The following LIPA variants were observed in gnomAD, a reference collection of about 807,000 sequenced individuals.
LIPA encodes lipase A, lysosomal acid type.
A neutral mutation model predicts 40.6 loss-of-function variants in LIPA; 26 were observed. That is an observed-to-expected ratio of 0.64 (90% CI 0.47 to 0.89). LIPA has a LOEUF of 0.89. LIPA is among the 40% of genes least tolerant of loss of function. The probability of loss-of-function intolerance (pLI) is 0.00; values close to 1 mark genes in which losing one functional copy is unlikely to be tolerated. For synonymous variants in LIPA, 188 were observed against 168.4 expected (o/e 1.12, Z -0.90); for missense variants, 455 against 479.6 (o/e 0.95, Z 0.48).
chr10:89,228,153 A>G, intron 4 of LIPA, 47 bp downstream of exon 4: 1 of 1,522,098 alleles, frequency 6.6e-7, no homozygotes, highest in Non-Finnish European at 9.1e-7. Context: ...TGTCTGCTTT[A>G]AGAGTACTAA....
At chr10:89,270,033 A>G (rs1375668600) in intron 1 of LIPA, among the ~76,000 whole-genome samples, 1 of 152,234 alleles carries the variant, frequency 6.6e-6, no homozygotes, top group African/African-American at 2.4e-5. Context: ...CAAAGTGCAG[A>G]TGGACCTTGG....
chr10:89,267,309 G>A (rs971364791), intron 1 of LIPA, among the ~76,000 whole-genome samples: 10 of 152,134 alleles, frequency 6.6e-5, no homozygotes, highest in African/African-American at 1.9e-4. Flanking sequence ...CCACCCTTAG[G>A]CTCAGAGAGA....
chr10:89,342,822 C>T (rs1332334), upstream of LIPA: 8,430 of 152,316 alleles, frequency 0.055, 647 homozygotes, highest in African/African-American at 0.17. Context: ...TTGGCTGTGT[C>T]CCGGAGCAGT....
chr10:89,384,945 A>G (rs1374827630), intron 2 of LIPA: 5 of 536,336 alleles, frequency 9.3e-6, no homozygotes, highest in Non-Finnish European at 9.9e-6. Flanking sequence ...GGCACCAGAC[A>G]TAAGACCCCC....
chr10:89,289,009 C>T (rs1843355992), intron 1 of LIPA, among the ~76,000 whole-genome samples: 1 of 152,246 alleles, frequency 6.6e-6, no homozygotes, highest in Non-Finnish European at 1.5e-5. Context: ...CATCAAAAGG[C>T]ATCAGATCCC....
chr10:89,245,383 C>G (rs1251997529), intron 3 of LIPA, among the ~76,000 whole-genome samples: 1 of 151,972 alleles, frequency 6.6e-6, no homozygotes, highest in African/African-American at 2.4e-5. Flanking sequence ...ATAGCAAAAG[C>G]CATCTATTTA....
chr10:89,272,561 G>A (rs986998189), intron 1 of LIPA, among the ~76,000 whole-genome samples: 4 of 152,084 alleles, frequency 2.6e-5, no homozygotes, highest in African/African-American at 4.8e-5. Context: ...GAACATATAC[G>A]TGCATGTGTC....
chr10:89,302,545 C>A (rs141540954), intron 1 of LIPA, among the ~76,000 whole-genome samples: 2,548 of 152,262 alleles, frequency 0.017, 60 homozygotes, highest in African/African-American at 0.058. Context: ...CAAAAGGGTT[C>A]TTTTCAGCAG....
intron 1 of LIPA, chr10:89,339,454 G>T (rs1843812938): frequency 6.2e-7 from 1 of 1,614,030 alleles, no homozygotes; most frequent in Admixed American, 1.7e-5. Context: ...GTTTCAACGG[G>T]TGTTGGAATC....
At chr10:89,307,363 G>A in intron 1 of LIPA, 2 of 1,599,030 alleles carry the variant, frequency 1.3e-6, no homozygotes, top group African/African-American at 2.7e-5. Context: ...CATCAAGCTG[G>A]AATGGGGAAT....
chr10:89,398,939 CTGAGGAA>C (rs1439093858), intron 2 of LIPA, among the ~76,000 whole-genome samples: 1 of 152,158 alleles, frequency 6.6e-6, no homozygotes, highest in African/African-American at 2.4e-5. Flanking sequence ...GTTAATTTTT[CTGAGGAA>C]TTACCATACC....
chr10:89,403,404 A>G, intron 2 of LIPA: 2 of 1,613,966 alleles, frequency 1.2e-6, no homozygotes, highest in Non-Finnish European at 1.7e-6. Context: ...AGAAGAAACA[A>G]TGCAAGACAT....
chr10:89,242,698 T>C (rs564104025), intron 3 of LIPA, among the ~76,000 whole-genome samples: 116 of 152,366 alleles, frequency 7.6e-4, no homozygotes, highest in Non-Finnish European at 1.4e-3. Context: ...TTTTAATACA[T>C]TTTGTAATTA....
At chr10:89,255,505 A>T (rs1169675936), upstream of LIPA, among the ~76,000 whole-genome samples, 1 of 152,236 alleles carries the variant, frequency 6.6e-6, no homozygotes, top group African/African-American at 2.4e-5. Flanking sequence ...GTGGGGACAC[A>T]GCCAAACCAT....
intron 2 of LIPA, chr10:89,392,649 C>T (rs1201181360): frequency 2.5e-6 from 4 of 1,584,872 alleles, no homozygotes; most frequent in Non-Finnish European, 3.5e-6. Context: ...GACAGAATAG[C>T]CAGATCTCAG....
At chr10:89,394,832 G>T (rs1386299591) in intron 2 of LIPA, among the ~76,000 whole-genome samples, 2 of 151,770 alleles carry the variant, frequency 1.3e-5, no homozygotes, top group African/African-American at 4.8e-5. Flanking sequence ...CCATTAAGCA[G>T]TCACTCCCTA....
intron 2 of LIPA, among the ~76,000 whole-genome samples, chr10:89,361,445 G>A (rs1268663392): frequency 6.6e-6 from 1 of 152,210 alleles, no homozygotes; most frequent in Non-Finnish European, 1.5e-5. Context: ...AATGGACCAA[G>A]TTGGAAACCT....
chr10:89,414,391 T>C (rs7083630), intron 1 of LIPA: 6,545 of 191,012 alleles, frequency 0.034, 165 homozygotes, highest in South Asian at 0.12. Flanking sequence ...ACGGGCAGCA[T>C]GCGAACTCAG....
chr10:89,226,462 A>G (rs970109173), intron 5 of LIPA, among the ~76,000 whole-genome samples: 10 of 152,262 alleles, frequency 6.6e-5, no homozygotes, highest in African/African-American at 2.4e-4. Context: ...TACAGTGAAC[A>G]TGCATTACTT....
Sources: allele counts gnomAD v4.1 joint callset (sites outside exome capture counted in the v4.1 genomes callset), GRCh38; gene constraint gnomAD v4.1.1; transcripts MANE v1.5; gene names NCBI Gene and HGNC (gene_info 2026-07-23, HGNC 2026-07-21).